Variants in ELFN2 observed in about 807,000 individuals in gnomAD.
ELFN2 encodes the protein protein phosphatase 1 regulatory subunit 29.
A neutral mutation model predicts 45.5 loss-of-function variants in ELFN2; 17 were observed. The ratio of observed to expected loss-of-function variants is 0.37; its 90% CI spans 0.26 to 0.56. ELFN2 has a LOEUF of 0.56. ELFN2 is among the 20% of genes least tolerant of loss of function. The pLI, the probability that ELFN2 is intolerant of heterozygous loss-of-function variation, is 0.77. For synonymous variants in ELFN2, 550 were observed against 551.5 expected, an observed-to-expected ratio of 1.00 and a Z score of 0.04; for missense variants, 922 against 1,183.2, an observed-to-expected ratio of 0.78 and a Z score of 3.24.
At chr22:37,406,411 CG>C (rs1440629762) in intron 2 of ELFN2, among the ~76,000 whole-genome samples, 1 of 152,166 alleles carries the variant, frequency 6.6e-6, no homozygotes, top group Non-Finnish European at 1.5e-5. Context: ...CTGCACATCT[CG>C]GGATTCACCC....
At chr22:37,419,728 C>T (rs986211944) in intron 1 of ELFN2, among the ~76,000 whole-genome samples, 3 of 152,220 alleles carry the variant, frequency 2.0e-5, no homozygotes, top group African/African-American at 7.2e-5. Flanking sequence ...GACACACGTG[C>T]CAATGCACAT....
At chr22:37,381,666 C>T (rs182304880) in intron 2 of ELFN2, among the ~76,000 whole-genome samples, 3 of 152,044 alleles carry the variant, frequency 2.0e-5, no homozygotes, top group African/African-American at 7.2e-5. Flanking sequence ...CCTGCCTTGC[C>T]CCACCCCCAG....
downstream of ELFN2, among the ~76,000 whole-genome samples, chr22:37,366,820 G>A (rs923084360): frequency 2.0e-5 from 3 of 152,260 alleles, no homozygotes; most frequent in Admixed American, 6.5e-5. Flanking sequence ...CCCTTGGGAC[G>A]GCTGCACTGA....
At chr22:37,366,369 C>T (rs528494109), downstream of ELFN2, among the ~76,000 whole-genome samples, 2 of 152,350 alleles carry the variant, frequency 1.3e-5, no homozygotes, top group South Asian at 2.1e-4. Context: ...GAGGACACTT[C>T]CACACTCCCA....
rs755981391 is a variant in ELFN2 at position 37,382,535 on chromosome 22, G to A, written c.-462-6539C>T. ...TGGGATTATAGGCGTGAGCCACCAC[G>A]CTGGCCTTTTTTTTTTTTTTTTTTT... is the stretch of plus-strand genomic sequence containing the variant. On this transcript the variant is annotated intron_variant, in intron 2 of 2. Coordinates refer to ENST00000402918, the MANE Select transcript of ELFN2 (RefSeq NM_052906.5). Among the ~76,000 whole-genome samples, 225 of 141,746 alleles carry A rather than the reference G, an allele frequency of 1.6e-3. 2 individuals are homozygous for A. The highest frequency in any genetic ancestry group is 7.1e-4 in the Non-Finnish European group (47 of 66,614). 93.0% of individuals were successfully genotyped at this position (141,746 alleles called of 152,430 possible). A position where few individuals can be genotyped will look rare whatever the true frequency, so the allele number is the denominator to read the frequency against.
chr22:37,407,868 C>G (rs1310801043), intron 2 of ELFN2, among the ~76,000 whole-genome samples: 6 of 151,942 alleles, frequency 3.9e-5, no homozygotes, highest in African/African-American at 1.5e-4. Context: ...ACACTCCAGC[C>G]TGGGGGACAG....
At chr22:37,346,404 C>T (rs1930697755) in intron 1 of ELFN2, among the ~76,000 whole-genome samples, 1 of 151,982 alleles carries the variant, frequency 6.6e-6, no homozygotes, top group African/African-American at 2.4e-5. Context: ...CTCCTTCCCT[C>T]CCAACCCAGG....
At chr22:37,366,032 T>C (rs1274536705), downstream of ELFN2, among the ~76,000 whole-genome samples, 1 of 152,222 alleles carries the variant, frequency 6.6e-6, no homozygotes, top group Non-Finnish European at 1.5e-5. Flanking sequence ...CATGTTAAGA[T>C]GCAAGCACCG....
chr22:37,390,551 G>C (rs187978615), intron 2 of ELFN2, among the ~76,000 whole-genome samples: 77 of 152,274 alleles, frequency 5.1e-4, no homozygotes, highest in African/African-American at 1.7e-3. Context: ...CTCCCCATGG[G>C]GGTGAGCTCT....
chr22:37,426,330 G>A (rs945671171), intron 1 of ELFN2, among the ~76,000 whole-genome samples: 1 of 149,386 alleles, frequency 6.7e-6, no homozygotes, highest in Non-Finnish European at 1.5e-5. Context: ...CAAGCTCCCC[G>A]AGTGTGCATG....
chr22:37,374,623 G>T lies in ELFN2; in HGVS notation c.912C>A (p.Val304=), dbSNP rs781238240. Residue 304 remains valine (V), a synonymous_variant, in exon 3 of 3, where the codon GTC becomes GTA. Transcript: ENST00000402918. The part of the protein sequence containing the change: ...SAGPAIKLHH[V]TFTSATLVVI... ...CCACCAGGGTGGCCGAGGTGAACGTGACGTGGTGCAGCTTGATGGCTGGCC... is the reference window on the plus strand; with the variant it reads ...CCACCAGGGTGGCCGAGGTGAACGTTACGTGGTGCAGCTTGATGGCTGGCC... The T allele has an allele frequency of 4.3e-6, 7 of 1,614,050 alleles. No individual in the cohort carries two copies. The African/African-American group carries it at 9.3e-5, about 22-fold the overall frequency.
chr22:37,425,954 G>A (rs1241250890), intron 1 of ELFN2, among the ~76,000 whole-genome samples: 2 of 151,314 alleles, frequency 1.3e-5, no homozygotes, highest in South Asian at 2.1e-4. Context: ...CGGTAACCGC[G>A]CCGGGCAGTC....
chr22:37,390,107 G>A (rs1487226966), intron 2 of ELFN2, among the ~76,000 whole-genome samples: 1 of 152,188 alleles, frequency 6.6e-6, no homozygotes, highest in Non-Finnish European at 1.5e-5. Context: ...CTGCGGCAGG[G>A]CCTCACTGGC....
intron 2 of ELFN2, among the ~76,000 whole-genome samples, chr22:37,380,331 G>A (rs1349650664): frequency 1.9e-5 from 1 of 53,956 alleles, no homozygotes; most frequent in Non-Finnish European, 3.3e-5. Context: ...GGCCCTCTCC[G>A]AGCCTGTTTC....
chr22:37,423,993 T>C (rs1448711581), intron 1 of ELFN2, among the ~76,000 whole-genome samples: 1 of 152,172 alleles, frequency 6.6e-6, no homozygotes, highest in Non-Finnish European at 1.5e-5. Context: ...GTAAACCTTC[T>C]AGACGATTAA....
intron 1 of ELFN2, among the ~76,000 whole-genome samples, chr22:37,359,827 T>C (rs1474621904): frequency 6.6e-6 from 1 of 152,070 alleles, no homozygotes; most frequent in Non-Finnish European, 1.5e-5. Flanking sequence ...ACAGAGGTGA[T>C]AGTGTTACAG....
intron 2 of ELFN2, among the ~76,000 whole-genome samples, chr22:37,380,747 C>T (rs1186244128): frequency 6.6e-6 from 1 of 152,154 alleles, no homozygotes; most frequent in Non-Finnish European, 1.5e-5. Context: ...GCAGCTGCCT[C>T]ACCCCTTGCT....
chr22:37,381,434 C>G (rs920458676), intron 2 of ELFN2, among the ~76,000 whole-genome samples: 1 of 152,084 alleles, frequency 6.6e-6, no homozygotes, highest in Non-Finnish European at 1.5e-5. Flanking sequence ...AACCCCTAGG[C>G]ACACTCCCCA....
Position 37,422,945 on chromosome 22 carries a change from G to GC in ELFN2, c.-614+4352_-614+4353insG, listed in dbSNP as rs200893605. Among the ~76,000 whole-genome samples the GC allele has an allele frequency of 1.9e-3, 198 of 105,568 alleles. 2 individuals are homozygous for GC. Among genetic ancestry groups the GC allele is most frequent in the Middle Eastern group, 0.017 (4 of 236 alleles). The allele number at this position is 105,568 out of a possible 152,430, so 69.3% of individuals were successfully genotyped here. On this transcript the variant is annotated intron_variant, in intron 1 of 2. Transcript: ENST00000402918. ...TTCATATTGAGGAAACTGGGCCTCG[G>GC]GGGGGGGGGGGGAAGTGACTTGCCC...
Sources: gnomAD v4.1 joint callset for allele counts (sites outside exome capture counted in the v4.1 genomes callset) on GRCh38, gnomAD v4.1.1 for gene constraint, MANE v1.5 for transcripts, NCBI Gene and HGNC (gene_info 2026-07-23, HGNC 2026-07-21) for gene names.